ARHGEF4: variants seen among roughly 807,000 people sequenced by gnomAD.
ARHGEF4 encodes the protein Rho guanine nucleotide exchange factor 4, also known as APC-stimulated guanine nucleotide exchange factor 1.
A neutral mutation model predicts 162.0 loss-of-function variants in ARHGEF4; 119 were observed. That is an observed-to-expected ratio of 0.73 (90% confidence interval 0.63 to 0.86). The LOEUF is 0.86. ARHGEF4 is among the 40% of genes least tolerant of loss of function. The pLI, the probability that ARHGEF4 is intolerant of heterozygous loss-of-function variation, is 0.00. For missense variants in ARHGEF4, 2,488 were observed against 2,456.0 expected (o/e 1.01, Z -0.28); for synonymous variants, 1,014 against 979.9 (o/e 1.03, Z -0.65).
At position 130,915,139 on chromosome 2, in the gene ARHGEF4, C is replaced by T; in HGVS notation, c.1193C>T (p.Pro398Leu). 6.4e-7 allele frequency: 1 copy of T among 1,550,684 alleles called. No homozygotes were observed. Among genetic ancestry groups the T allele is most frequent in the South Asian group, 1.2e-5 (1 of 84,066 alleles). ...ATTCCTGCTTTTCAGAGTGGGGCTCCCCATCTGCAGGGTCCCTGCAAGCCT... is the reference window on the plus strand; with the variant it reads ...ATTCCTGCTTTTCAGAGTGGGGCTCTCCATCTGCAGGGTCCCTGCAAGCCT... ...GPIPAFQSGA[P>L]HLQGPCKPGG... The change falls in exon 2 of 14, where the codon CCC becomes CTC. Residue 398 changes from proline to leucine, a missense_variant. By Grantham distance (98) the Pro-to-Leu change is moderately conservative. Around this residue, in one of 6 missense-constraint regions of ARHGEF4, gnomAD observed 1,642 missense variants for 1,481.5 expected, o/e 1.11. Coordinates refer to ENST00000409359, the MANE Select transcript of ARHGEF4 (RefSeq NM_001367493.1).
intron 4 of ARHGEF4, among the ~76,000 whole-genome samples, chr2:131,004,431 C>T (rs925286296): frequency 1.3e-5 from 2 of 152,314 alleles, no homozygotes; most frequent in Non-Finnish European, 2.9e-5. Flanking sequence ...TCCCAAAGTG[C>T]TGGGATTACA....
At position 130,939,108 on chromosome 2, in the gene ARHGEF4, A is replaced by C. The variant is rs13414556; in HGVS notation, c.3859-7401A>C. Among the ~76,000 whole-genome samples, 912 of 152,194 alleles carry C rather than the reference A, an allele frequency of 6.0e-3. 8 individuals are homozygous for C. Among genetic ancestry groups the C allele is most frequent in the African/African-American group, 0.021 (880 of 41,530 alleles). On this transcript the variant is annotated intron_variant, in intron 3 of 13. Transcript: ENST00000409359. Reference sequence around the variant, plus strand: ...ATCTGTTGTTGTCTTCTTTGTGTCCATATGTACTCAATGTTTAGCTCCCAC... The same window carrying C: ...ATCTGTTGTTGTCTTCTTTGTGTCCCTATGTACTCAATGTTTAGCTCCCAC...
intron 4 of ARHGEF4, among the ~76,000 whole-genome samples, chr2:130,948,341 C>G (rs1683746608): frequency 6.6e-6 from 1 of 152,198 alleles, no homozygotes; most frequent in African/African-American, 2.4e-5. Context: ...AAGTTGTGAT[C>G]TTAAACTCAC....
chr2:131,000,062 T>C (rs979518976), intron 4 of ARHGEF4, among the ~76,000 whole-genome samples: 3 of 152,272 alleles, frequency 2.0e-5, no homozygotes, highest in Admixed American at 6.5e-5. Context: ...ACTACCTGTA[T>C]TTAGGAATTT....
intron 4 of ARHGEF4, among the ~76,000 whole-genome samples, chr2:130,993,768 C>A (rs1024009496): frequency 6.6e-6 from 1 of 151,682 alleles, no homozygotes. Context: ...TTTTTTGGTT[C>A]TTTTATTTTT....
chr2:131,038,177 A>T (rs1387827898), intron 5 of ARHGEF4, among the ~76,000 whole-genome samples: 1 of 152,154 alleles, frequency 6.6e-6, no homozygotes, highest in Non-Finnish European at 1.5e-5. Flanking sequence ...CTGACCTTAC[A>T]GGCAATGCTC....
chr2:131,027,643 GAATAC>G (rs1218355624), intron 4 of ARHGEF4, among the ~76,000 whole-genome samples: 1 of 152,204 alleles, frequency 6.6e-6, no homozygotes, highest in East Asian at 1.9e-4. Flanking sequence ...GTTTGTCACT[GAATAC>G]AACCTAAGGG....
chr2:130,889,423 G>A (rs545476907), intron 1 of ARHGEF4, among the ~76,000 whole-genome samples: 16 of 151,896 alleles, frequency 1.1e-4, no homozygotes, highest in African/African-American at 2.2e-4. Context: ...TCTTTCTTCC[G>A]TCTAAGATTG....
At chr2:131,011,680 G>A in intron 4 of ARHGEF4, 1 of 1,533,460 alleles carries the variant, frequency 6.5e-7, no homozygotes, top group Non-Finnish European at 8.7e-7. Context: ...GATGGGGGTG[G>A]GGTAGAGAGA....
chr2:130,860,603 G>C (rs1382928653), intron 1 of ARHGEF4, among the ~76,000 whole-genome samples: 1 of 117,098 alleles, frequency 8.5e-6, no homozygotes, highest in Non-Finnish European at 1.6e-5. Context: ...CCAGCTACTC[G>C]GGAGGCCGAG....
At chr2:130,975,302 G>T (rs1172358817) in intron 4 of ARHGEF4, among the ~76,000 whole-genome samples, 1 of 152,174 alleles carries the variant, frequency 6.6e-6, no homozygotes, top group African/African-American at 2.4e-5. Context: ...AGACCCTGGA[G>T]ACTGCCCCTC....
rs2896505 is a variant in ARHGEF4, at chr2:131,019,820, A to G, written c.3986-8125A>G. ...GGCTAATTTTTTTGTATTTTTAGTAAAGACGGGGTTTCACTGTGTTAGCCA... is the reference window on the plus strand; with the variant it reads ...GGCTAATTTTTTTGTATTTTTAGTAGAGACGGGGTTTCACTGTGTTAGCCA... On this transcript the variant is annotated intron_variant, in intron 4 of 13. Transcript: ENST00000409359. Among the ~76,000 whole-genome samples, 979 of 151,962 alleles carry G rather than the reference A, an allele frequency of 6.4e-3. 3 individuals are homozygous for G. Among genetic ancestry groups the G allele is most frequent in the Non-Finnish European group, 0.011 (727 of 67,934 alleles).
intron 4 of ARHGEF4, among the ~76,000 whole-genome samples, chr2:130,949,106 G>A (rs1422711781): frequency 6.6e-6 from 1 of 152,022 alleles, no homozygotes. Flanking sequence ...CTTCTGCTTT[G>A]TTTTCCTGTT....
At chr2:130,929,920 T>A (rs1184512601) in intron 2 of ARHGEF4, 1 of 149,318 alleles carries the variant, frequency 6.7e-6, no homozygotes, top group Non-Finnish European at 1.5e-5. Flanking sequence ...TGAGACCGAG[T>A]CTCGCTTTGT....
In ARHGEF4 at chr2:131,035,105, C is replaced by A. The variant is rs531322387; in HGVS notation, c.4126-3748C>A. ...AGGCCGGGCGCCATGGCGAGGGCCC[C>A]GCAGCCCCGGCGCGGCCCCGCGGCG... is the stretch of plus-strand genomic sequence containing the variant. On this transcript the variant is annotated intron_variant, in intron 5 of 13. Transcript: ENST00000409359. 1,401 of 1,107,052 alleles carry A rather than the reference C, an allele frequency of 1.3e-3. 13 individuals carry two copies. The African/African-American group carries it at 0.021, about 16-fold the overall frequency. The allele number at this position is 1,107,052 out of a possible 1,614,324, so 68.6% of individuals were successfully genotyped here. A position where few individuals can be genotyped will look rare whatever the true frequency, so the allele number is the denominator to read the frequency against.
chr2:130,930,332 G>C (rs542935799), intron 2 of ARHGEF4, among the ~76,000 whole-genome samples: 2 of 152,316 alleles, frequency 1.3e-5, no homozygotes, highest in Admixed American at 1.3e-4. Context: ...CATGTGTGAA[G>C]AAAAGGGTTT....
intron 1 of ARHGEF4, among the ~76,000 whole-genome samples, chr2:130,884,170 G>A (rs1301409571): frequency 1.3e-5 from 2 of 152,058 alleles, no homozygotes; most frequent in East Asian, 3.8e-4. Flanking sequence ...AGCTGAGCCT[G>A]GAGATGTTAT....
intron 5 of ARHGEF4, among the ~76,000 whole-genome samples, chr2:131,033,080 T>C (rs1190496376): frequency 6.6e-6 from 1 of 152,082 alleles, no homozygotes; most frequent in East Asian, 1.9e-4. Context: ...CTCGAACTCC[T>C]GAGCTCAAGC....
At chr2:130,963,208 T>C (rs1684738605) in intron 4 of ARHGEF4, among the ~76,000 whole-genome samples, 1 of 152,190 alleles carries the variant, frequency 6.6e-6, no homozygotes, top group Admixed American at 6.5e-5. Flanking sequence ...TGGCATGGAC[T>C]TTCCTCGGCC....
Sources: gnomAD v4.1 joint callset for allele counts (sites outside exome capture counted in the v4.1 genomes callset) on GRCh38, gnomAD v4.1.1 for gene constraint, gnomAD v4.1.1 regional missense constraint, MANE v1.5 for transcripts, NCBI Gene and HGNC (gene_info 2026-07-23, HGNC 2026-07-21) for gene names.